COX16: variants seen among roughly 807,000 people sequenced by gnomAD.
The protein encoded by COX16 is cytochrome c oxidase assembly factor COX16, also known as cytochrome c oxidase assembly protein COX16 homolog, mitochondrial.
COX16 carries 12 observed loss-of-function variants against 15.4 expected under a neutral mutation model. The observed-to-expected ratio is 0.78, with a 90% CI of 0.50 to 1.26. The LOEUF (loss-of-function observed/expected upper bound fraction) is 1.26, where lower values mean the gene tolerates loss of function less well. Ranked by LOEUF, COX16 falls within the 50% of genes most tolerant of loss-of-function variation. The pLI, the probability that COX16 is intolerant of heterozygous loss-of-function variation, is 0.00. For synonymous variants in COX16, 46 were observed against 41.1 expected (o/e 1.12, Z -0.46); for missense variants, 124 against 127.6 (o/e 0.97, Z 0.14).
At chr14:70,329,545 G>A (rs1886212551) in intron 2 of COX16, among the ~76,000 whole-genome samples, 1 of 151,982 alleles carries the variant, frequency 6.6e-6, no homozygotes, top group African/African-American at 2.4e-5. Flanking sequence ...CACGGGGTTT[G>A]AATAACATGT....
chr14:70,345,003 C>T (rs66495513), intron 1 of COX16, among the ~76,000 whole-genome samples: 10,593 of 152,176 alleles, frequency 0.07, 544 homozygotes, highest in Non-Finnish European at 0.1. Context: ...TCTGTTGGTG[C>T]GCTCTCAGGG....
At chr14:70,351,864 A>C (rs1886966698) in intron 1 of COX16, among the ~76,000 whole-genome samples, 1 of 152,158 alleles carries the variant, frequency 6.6e-6, no homozygotes, top group African/African-American at 2.4e-5. Flanking sequence ...TTTAATATTT[A>C]ATCATTTAAT....
chr14:70,353,836 T>C (rs751428920), intron 1 of COX16, among the ~76,000 whole-genome samples: 1 of 152,034 alleles, frequency 6.6e-6, no homozygotes, highest in Non-Finnish European at 1.5e-5. Context: ...TTTTTATAAA[T>C]ATATTTATAT....
intron 1 of COX16, among the ~76,000 whole-genome samples, chr14:70,345,214 A>C (rs1886741925): frequency 6.6e-6 from 1 of 152,214 alleles, no homozygotes; most frequent in African/African-American, 2.4e-5. Flanking sequence ...TCAGGGGCCC[A>C]GTTAGCAGGG....
At chr14:70,354,839 TGC>T (rs1456323231) in intron 1 of COX16, among the ~76,000 whole-genome samples, 4 of 92,158 alleles carry the variant, frequency 4.3e-5, no homozygotes, top group South Asian at 4.6e-4. Context: ...AGTGTGTGTG[TGC>T]GTGTGTGTGT....
intron 3 of COX16, among the ~76,000 whole-genome samples, chr14:70,328,705 T>C (rs568825655): frequency 2.0e-5 from 3 of 152,212 alleles, no homozygotes; most frequent in African/African-American, 4.8e-5. Flanking sequence ...CTTTTTCACA[T>C]TGATTTGGAG....
intron 2 of COX16, among the ~76,000 whole-genome samples, chr14:70,333,386 T>C (rs1886351144): frequency 6.6e-6 from 1 of 152,160 alleles, no homozygotes; most frequent in Non-Finnish European, 1.5e-5. Context: ...GAGGTTGAAA[T>C]AATTTTTTAA....
chr14:70,330,515 C>T (rs569427363), intron 2 of COX16, among the ~76,000 whole-genome samples: 1 of 152,120 alleles, frequency 6.6e-6, no homozygotes, highest in East Asian at 1.9e-4. Flanking sequence ...TCAAATTTCA[C>T]AAGAAAATAA....
chr14:70,357,579 G>C (rs1245709089), intron 1 of COX16, among the ~76,000 whole-genome samples: 3 of 152,104 alleles, frequency 2.0e-5, no homozygotes, highest in Non-Finnish European at 4.4e-5. Context: ...TTAAAAAATG[G>C]GCAAAGGATT....
At chr14:70,342,958 T>C (rs1201689504) in intron 1 of COX16, among the ~76,000 whole-genome samples, 1 of 152,244 alleles carries the variant, frequency 6.6e-6, no homozygotes, top group Non-Finnish European at 1.5e-5. Context: ...ACCCTATACC[T>C]GTATTTGACC....
chr14:70,342,785 G>A (rs1170733254), intron 1 of COX16, 56 bp from the exon 2 acceptor site: 4 of 1,585,384 alleles, frequency 2.5e-6, no homozygotes, highest in Non-Finnish European at 3.4e-6. Context: ...TTCAAATTCA[G>A]CCTATCTATA....
chr14:70,354,841 C>CGTGTGTGTGTGTGTGTGTGTGT (rs55646280), intron 1 of COX16, among the ~76,000 whole-genome samples: 2 of 148,880 alleles, frequency 1.3e-5, no homozygotes, highest in African/African-American at 2.5e-5. Flanking sequence ...TGTGTGTGTG[C>CGTGTGTGTGTGTGTGTGTGTGT]GTGTGTGTGT....
rs1443359803 is a variant in COX16, at chr14:70,325,697, T to C, written c.*636A>G. ...TCATCTATGGATTTACTGAACAAAT[T>C]TGCCATATCTGCTTATAATCATACA... is the stretch of plus-strand genomic sequence containing the variant. On this transcript the variant is annotated 3_prime_UTR_variant, in exon 4 of 4. Coordinates refer to ENST00000389912, the MANE Select transcript of COX16 (RefSeq NM_016468.7). 2.0e-5 allele frequency: 3 copies of C among 152,308 alleles called. No individual in the cohort carries two copies. Among genetic ancestry groups the C allele is most frequent in the Middle Eastern group, 3.4e-3 (1 of 294 alleles). 9.4% of individuals were successfully genotyped at this position (152,308 alleles called of 1,614,324 possible).
intron 2 of COX16, among the ~76,000 whole-genome samples, chr14:70,339,945 T>G (rs1008091680): frequency 6.6e-6 from 1 of 152,202 alleles, no homozygotes; most frequent in Non-Finnish European, 1.5e-5. Context: ...CCTCACAACT[T>G]CAATCAACCT....
intron 1 of COX16, among the ~76,000 whole-genome samples, chr14:70,351,419 G>A (rs1225150799): frequency 2.6e-5 from 4 of 152,172 alleles, no homozygotes; most frequent in African/African-American, 7.2e-5. Context: ...TAACTACCCA[G>A]TTTAACAAAT....
At chr14:70,357,158 C>CAAAAAAAAAAAAAAAAAA (rs4048531) in intron 1 of COX16, among the ~76,000 whole-genome samples, 2 of 78,700 alleles carry the variant, frequency 2.5e-5, no homozygotes, top group Non-Finnish European at 2.4e-5. Context: ...AAGCGTTTGT[C>CAAAAAAAAAAAAAAAAAA]AAAAAAAAAA....
chr14:70,344,741 C>T (rs1219658479), intron 1 of COX16, among the ~76,000 whole-genome samples: 1 of 152,130 alleles, frequency 6.6e-6, no homozygotes, highest in Non-Finnish European at 1.5e-5. Flanking sequence ...GCTACTTGTA[C>T]CAGCAGTGTG....
chr14:70,342,749 C>T lies in COX16; in HGVS notation c.70-20G>A. The T allele has an allele frequency of 6.2e-7, 1 of 1,608,954 alleles. No homozygotes were observed. The highest frequency in any genetic ancestry group is 8.5e-7 in the Non-Finnish European group (1 of 1,178,624). On this transcript the variant is annotated intron_variant, in intron 1 of 3. Transcript: ENST00000389912. ...CAGCAACTAAAACAAAGAAAGGAAA[C>T]ATTTAAGCAAAACAGAAGACCAGAA...
Position 70,326,010 on chromosome 14 carries a change from C to G in COX16, c.*323G>C, listed in dbSNP as rs1022072585. The stretch of plus-strand genomic sequence containing the variant: ...CAGAATGAAATATCAAAATGATGCC[C>G]TAATGGCTATTGCAAAAGGAATATG... On this transcript the variant is annotated 3_prime_UTR_variant, in exon 4 of 4. Transcript: ENST00000389912. 1.9e-4 allele frequency: 30 copies of G among 159,074 alleles called. No individual in the cohort carries two copies. The highest frequency in any genetic ancestry group is 1.4e-3 in the Admixed American group (21 of 15,536). 9.9% of individuals were successfully genotyped at this position (159,074 alleles called of 1,614,324 possible). A position where few individuals can be genotyped will look rare whatever the true frequency, so the allele number is the denominator to read the frequency against.
Sources: gnomAD v4.1 joint callset for allele counts (sites outside exome capture counted in the v4.1 genomes callset) on GRCh38, gnomAD v4.1.1 for gene constraint, MANE v1.5 for transcripts, NCBI Gene and HGNC (gene_info 2026-07-23, HGNC 2026-07-21) for gene names.